The following B3GALNT2 variants were observed in gnomAD, a reference collection of about 807,000 sequenced individuals.
B3GALNT2 encodes the protein beta-1,3-N-acetylgalactosaminyltransferase 2.
B3GALNT2 carries 53 observed loss-of-function variants against 61.1 expected under a neutral mutation model. The observed-to-expected ratio is 0.87, with a 90% CI of 0.70 to 1.09. The LOEUF (loss-of-function observed/expected upper bound fraction) is 1.09, where lower values mean the gene tolerates loss of function less well. Among genes scored for constraint, B3GALNT2 ranks in the 50% least tolerant of loss-of-function variants. The pLI is 0.00. For missense variants in B3GALNT2, 544 were observed against 623.0 expected (o/e 0.87, Z 1.35); for synonymous variants, 223 against 237.4 (o/e 0.94, Z 0.56).
intron 5 of B3GALNT2, among the ~76,000 whole-genome samples, chr1:235,474,215 A>G (rs537058573): frequency 6.6e-6 from 1 of 152,354 alleles, no homozygotes; most frequent in Non-Finnish European, 1.5e-5. Context: ...GAAGCCAGGT[A>G]TCTCTTAAGA....
chr1:235,454,329 T>A lies in B3GALNT2; in HGVS notation c.1152-14A>T. Reference sequence around the variant, plus strand: ...TTCAGTCTGAAACTGAGATGAAAAATAATGTGGCCTCTTGTGTTAGTCTGA... The same window carrying A: ...TTCAGTCTGAAACTGAGATGAAAAAAAATGTGGCCTCTTGTGTTAGTCTGA... On this transcript the variant is annotated splice_polypyrimidine_tract_variant and intron_variant, in intron 9 of 11. Transcript: ENST00000366600. 1 of 1,601,788 alleles carries A rather than the reference T, an allele frequency of 6.2e-7. No homozygotes were observed.
chr1:235,475,631 A>C, intron 5 of B3GALNT2, among the ~76,000 whole-genome samples: 1 of 152,210 alleles, frequency 6.6e-6, no homozygotes, highest in East Asian at 1.9e-4. Flanking sequence ...TTTAAAATTA[A>C]ACATATTTTC....
In B3GALNT2 at chr1:235,457,215, T is replaced by C. The variant is rs1308931350; in HGVS notation, c.1025+1388A>G. Among the ~76,000 whole-genome samples the C allele has an allele frequency of 3.3e-5, 5 of 152,246 alleles. No individual in the cohort carries two copies. The East Asian group carries it at 5.8e-4, about 18-fold the overall frequency. On this transcript the variant is annotated intron_variant, in intron 8 of 11. Transcript: ENST00000366600. ...TACCCCTCAGGACCAGGGAACTGTA[T>C]CCGTAAAGTACTGTTCTTGGTAACT...
intron 5 of B3GALNT2, among the ~76,000 whole-genome samples, chr1:235,474,964 T>C (rs1684176235): frequency 3.9e-5 from 1 of 25,552 alleles, no homozygotes; most frequent in African/African-American, 2.0e-4. Flanking sequence ...TATATATATA[T>C]ATATATATAT....
intron 6 of B3GALNT2, among the ~76,000 whole-genome samples, 180 bp downstream of exon 6, chr1:235,470,670 G>C (rs1289710477): frequency 1.3e-5 from 2 of 151,922 alleles, no homozygotes; most frequent in African/African-American, 2.4e-5. Context: ...GGAGTTACAG[G>C]ATCATATTTG....
chr1:235,492,763 G>T (rs531550722), intron 2 of B3GALNT2, among the ~76,000 whole-genome samples: 47 of 152,296 alleles, frequency 3.1e-4, no homozygotes, highest in African/African-American at 1.1e-3. Flanking sequence ...ATTTACTATG[G>T]GGCTGTCTGC....
intron 1 of B3GALNT2, among the ~76,000 whole-genome samples, chr1:235,502,762 T>C (rs1685639757): frequency 6.6e-6 from 1 of 152,202 alleles, no homozygotes; most frequent in Admixed American, 6.5e-5. Flanking sequence ...ATAAACAGAC[T>C]TAATGACGCT....
chr1:235,470,046 C>T lies in B3GALNT2; in HGVS notation c.762+804G>A, dbSNP rs532468100. 2.0e-5 allele frequency among the ~76,000 whole-genome samples: 3 copies of T among 151,998 alleles called. No individual in the cohort carries two copies. The South Asian group carries it at 6.2e-4, about 32-fold the overall frequency. On this transcript the variant is annotated intron_variant, in intron 6 of 11. Coordinates refer to ENST00000366600, the MANE Select transcript of B3GALNT2 (RefSeq NM_152490.5). ...CTGAGTAGCTGGGATTCCAGGCATGCGCCACCATGCCTGGCTAAGTTTTTG... is the reference window on the plus strand; with the variant it reads ...CTGAGTAGCTGGGATTCCAGGCATGTGCCACCATGCCTGGCTAAGTTTTTG...
rs868310504 is a variant in B3GALNT2, at chr1:235,450,470, G to T, written c.1369-130C>A. The T allele has an allele frequency of 1.7e-5, 20 of 1,179,048 alleles. No individual in the cohort carries two copies. The Middle Eastern group carries it at 6.8e-4, about 40-fold the overall frequency. 73.0% of individuals were successfully genotyped at this position (1,179,048 alleles called of 1,614,324 possible). A position where few individuals can be genotyped will look rare whatever the true frequency, so the allele number is the denominator to read the frequency against. Reference sequence around the variant, plus strand: ...TTATTTCAAGGATAACTCCGTGTGTGGAACAACTGGTGAGGTTTGGGGGTG... The same window carrying T: ...TTATTTCAAGGATAACTCCGTGTGTTGAACAACTGGTGAGGTTTGGGGGTG... On this transcript the variant is annotated intron_variant, in intron 11 of 11. Transcript: ENST00000366600.
At chr1:235,501,126 T>C (rs1158501457) in intron 1 of B3GALNT2, among the ~76,000 whole-genome samples, 1 of 152,240 alleles carries the variant, frequency 6.6e-6, no homozygotes, top group Admixed American at 6.5e-5. Context: ...TCACATCATT[T>C]TTCTAAATTA....
In B3GALNT2 at chr1:235,454,244, G is replaced by A; in HGVS notation, c.1223C>T (p.Pro408Leu). The A allele has an allele frequency of 1.9e-6, 3 of 1,613,422 alleles. No individual in the cohort carries two copies. Among genetic ancestry groups the A allele is most frequent in the Non-Finnish European group, 2.5e-6 (3 of 1,179,444 alleles). The change falls in exon 10 of 12, where the codon CCT becomes CTT. Residue 408 changes from proline to leucine, a missense_variant. Physicochemically the swap from Pro to Leu is moderately conservative, Grantham distance 98. Transcript: ENST00000366600. ...ATATCCTGACCCACATGCAAAGGCA[G>A]GGTAAGCGGGGCTCGGGTACTCCAA... ...QELEYPSPAY[P>L]AFACGSGYVI... is the part of the protein sequence containing the mutation.
At chr1:235,455,470 C>T (rs1683118706) in intron 9 of B3GALNT2, 89 bp downstream of exon 9, 9 of 1,412,946 alleles carry the variant, frequency 6.4e-6, no homozygotes, top group Non-Finnish European at 7.8e-6. Flanking sequence ...ATCTCAACCA[C>T]ATTTTCAAAA....
Position 235,484,472 on chromosome 1 carries a change from A to G in B3GALNT2, c.405T>C (p.Thr135=), listed in dbSNP as rs1188352514. ...CTCGATCCTCAGGCAGCCCCGATGA[A>G]GTGTCTTCGGACAGACTGAACGCTT... The part of the protein sequence containing the change: ...EIEAFSLSED[T]SSGLPEDRVV... Residue 135 remains threonine, a synonymous_variant, in exon 4 of 12, where the codon ACT becomes ACC. Transcript: ENST00000366600. The G allele has an allele frequency of 1.2e-6, 2 of 1,614,080 alleles. No homozygotes were observed. Among genetic ancestry groups the G allele is most frequent in the Non-Finnish European group, 1.7e-6 (2 of 1,180,028 alleles).
chr1:235,470,269 G>A (rs1420355886), intron 6 of B3GALNT2, among the ~76,000 whole-genome samples: 7 of 152,110 alleles, frequency 4.6e-5, no homozygotes, highest in Non-Finnish European at 7.3e-5. Context: ...TACTGAGCAA[G>A]TATTCTTAAA....
chr1:235,453,368 G>A (rs754285784), intron 10 of B3GALNT2, among the ~76,000 whole-genome samples: 4 of 151,988 alleles, frequency 2.6e-5, no homozygotes, highest in Admixed American at 6.6e-5. Context: ...GCGAGCAGAC[G>A]ACCCATCCTT....
At chr1:235,479,804 A>C in intron 5 of B3GALNT2, 1 of 374,800 alleles carries the variant, frequency 2.7e-6, no homozygotes, top group South Asian at 6.3e-5. Context: ...TCTCTACTCC[A>C]CTAAATAAAC....
chr1:235,450,209 T>C lies in B3GALNT2; in HGVS notation c.1500A>G (p.Arg500=), dbSNP rs771201182. The C allele has an allele frequency of 4.3e-6, 7 of 1,614,038 alleles. No homozygotes were observed. The highest frequency in any genetic ancestry group is 1.6e-4 in the Middle Eastern group (1 of 6,082). The change falls in exon 12 of 12, where the codon AGA becomes AGG. Residue 500 remains arginine (R), a synonymous_variant. Coordinates refer to ENST00000366600, the MANE Select transcript of B3GALNT2 (RefSeq NM_152490.5). ...RCGDPCRCQA[R] ...ACTCTGCTAATTCAAGTCCCTGTTA[T>C]CTTGCTTGACATCGACAAGGATCAC...
chr1:235,462,959 CAAA>C (rs1250040350), intron 7 of B3GALNT2, among the ~76,000 whole-genome samples: 1 of 152,040 alleles, frequency 6.6e-6, no homozygotes, highest in Non-Finnish European at 1.5e-5. Flanking sequence ...TTTGCAACTG[CAAA>C]AATATGGAAC....
intron 4 of B3GALNT2, among the ~76,000 whole-genome samples, chr1:235,482,814 G>A (rs1311412877): frequency 1.3e-5 from 2 of 151,840 alleles, no homozygotes; most frequent in East Asian, 1.9e-4. Context: ...GTAAAAGAGC[G>A]AGACCCTGTC....
Sources: allele counts gnomAD v4.1 joint callset (sites outside exome capture counted in the v4.1 genomes callset), GRCh38; gene constraint gnomAD v4.1.1; transcripts MANE v1.5; gene names NCBI Gene and HGNC (gene_info 2026-07-23, HGNC 2026-07-21).